Variants in MAP1A observed in about 807,000 individuals in gnomAD.
MAP1A encodes the protein microtubule-associated protein 1A.
A neutral mutation model predicts 185.9 loss-of-function variants in MAP1A; 42 were observed. The observed-to-expected ratio is 0.23, with a 90% CI of 0.18 to 0.29. The LOEUF is 0.29. MAP1A is among the 10% of genes least tolerant of loss of function. MAP1A has a pLI of 1.00. For missense variants in MAP1A, 2,995 were observed against 3,450.4 expected (o/e 0.87, Z 3.31); for synonymous variants, 1,229 against 1,335.9 (o/e 0.92, Z 1.74).
In MAP1A at chr15:43,527,389, G is replaced by A. The variant is rs536452548; in HGVS notation, c.5916G>A (p.Glu1972=). The change falls in exon 4 of 6, where the codon GAG becomes GAA. Residue 1972 remains glutamate (E), a synonymous_variant. Coordinates refer to ENST00000300231, the MANE Select transcript of MAP1A (RefSeq NM_002373.6). The part of the protein sequence containing the change: ...ERSFQYADIY[E]QMMLTGLGPA... ...GCTTTCAGTATGCAGACATCTATGA[G>A]CAGATGATGCTTACTGGGCTTGGCC... 38 of 1,614,216 alleles carry A rather than the reference G, an allele frequency of 2.4e-5. No individual in the cohort carries two copies. The South Asian group carries it at 3.8e-4, about 16-fold the overall frequency.
chr15:43,523,671 C>A lies in MAP1A; in HGVS notation c.2198C>A (p.Ser733Tyr). 1 of 1,614,040 alleles carries A rather than the reference C, an allele frequency of 6.2e-7. No individual in the cohort carries two copies. The highest frequency in any genetic ancestry group is 1.1e-5 in the South Asian group (1 of 91,046). ...TTPAGATEHV[S>Y]YIQDETIPGY... ...CCTGCAGGAGCCACTGAGCATGTCT[C>A]TTACATCCAGGATGAGACAATCCCT... The change falls in exon 4 of 6, where the codon TCT (serine) becomes TAT (tyrosine). Residue 733 changes from serine (S) to tyrosine (Y), a missense_variant. Transcript: ENST00000300231.
chr15:43,511,176 A>G, exon 1 of MAP1A: 1 of 1,550,552 alleles, frequency 6.4e-7, no homozygotes, highest in Non-Finnish European at 8.7e-7. Context: ...GTGATCGGCG[A>G]TATCGGTACA....
Position 43,523,921 on chromosome 15 carries a change from G to A in MAP1A, c.2448G>A (p.Val816=). The change falls in exon 4 of 6, where the codon GTG becomes GTA. Residue 816 remains valine (V), a synonymous_variant. Transcript: ENST00000300231. ...ETELTYPTNI[V]AAPLAEEEHV... Reference sequence around the variant, plus strand: ...AACTCACCTACCCCACTAACATAGTGGCTGCCCCTTTGGCTGAAGAGGAAC... The same window carrying A: ...AACTCACCTACCCCACTAACATAGTAGCTGCCCCTTTGGCTGAAGAGGAAC... 1 of 1,614,162 alleles carries A rather than the reference G, an allele frequency of 6.2e-7. No individual in the cohort carries two copies. Among genetic ancestry groups the A allele is most frequent in the Non-Finnish European group, 8.5e-7 (1 of 1,180,026 alleles).
Position 43,524,986 on chromosome 15 carries a change from G to A in MAP1A, c.3513G>A (p.Lys1171=), listed in dbSNP as rs763077601. ...PDTANQEPTP[K]SPCGLTEQYL... is the part of the protein sequence containing the mutation. Reference sequence around the variant, plus strand: ...CTGCCAACCAAGAGCCTACCCCCAAGTCTCCCTGTGGCCTGACAGAACAGT... The same window carrying A: ...CTGCCAACCAAGAGCCTACCCCCAAATCTCCCTGTGGCCTGACAGAACAGT... Residue 1171 remains lysine (K), a synonymous_variant, in exon 4 of 6, where the codon AAG becomes AAA. Coordinates refer to ENST00000300231, the MANE Select transcript of MAP1A (RefSeq NM_002373.6). 3 of 1,614,052 alleles carry A rather than the reference G, an allele frequency of 1.9e-6. No individual in the cohort carries two copies. The highest frequency in any genetic ancestry group is 1.1e-5 in the South Asian group (1 of 91,078).
Position 43,528,369 on chromosome 15 carries a change from G to A in MAP1A, c.6896G>A (p.Ser2299Asn). 6.2e-7 allele frequency: 1 copy of A among 1,614,000 alleles called. No homozygotes were observed. Among genetic ancestry groups the A allele is most frequent in the South Asian group, 1.1e-5 (1 of 91,084 alleles). Reference protein sequence around the residue: ...LDPGMEPAAHSLWDLTPLSPA... With the variant: ...LDPGMEPAAHNLWDLTPLSPA... ...CCAGGAATGGAACCAGCTGCCCACA[G>A]CCTCTGGGACCTCACTCCTCTGAGC... is the stretch of plus-strand genomic sequence containing the variant. The change falls in exon 4 of 6, where the codon AGC becomes AAC. Residue 2299 changes from serine to asparagine, a missense_variant. Physicochemically the swap from Ser to Asn is conservative, Grantham distance 46 (BLOSUM62 1). This residue lies in a region of MAP1A where 2,728 missense variants were observed against 2,986.0 expected (regional missense o/e 0.91). Coordinates refer to ENST00000300231, the MANE Select transcript of MAP1A (RefSeq NM_002373.6).
At position 43,528,774 on chromosome 15, in the gene MAP1A, C is replaced by T. The variant is rs776121341; in HGVS notation, c.7301C>T (p.Pro2434Leu). 7 of 1,613,428 alleles carry T rather than the reference C, an allele frequency of 4.3e-6. No individual in the cohort carries two copies. In the Admixed American group the frequency reaches 1.2e-4, roughly 27 times the overall value. ...GCCTCTCCTGAGGTCGAAGCTGGGC[C>T]CCAGGGATGTGCCACTGAGCCTCGG... ...SSASPEVEAG[P>L]QGCATEPRPH... is the part of the protein sequence containing the mutation. The change falls in exon 4 of 6, where the codon CCC becomes CTC. Residue 2434 changes from proline (P) to leucine (L), a missense_variant. Pro to Leu is a moderately conservative substitution (Grantham distance 98). Transcript: ENST00000300231.
At position 43,527,451 on chromosome 15, in the gene MAP1A, C is replaced by T. The variant is rs773584125; in HGVS notation, c.5978C>T (p.Ala1993Val). 6.2e-7 allele frequency: 1 copy of T among 1,614,068 alleles called. No homozygotes were observed. Among genetic ancestry groups the T allele is most frequent in the Non-Finnish European group, 8.5e-7 (1 of 1,180,016 alleles). Residue 1993 changes from alanine (A) to valine (V), a missense_variant, in exon 4 of 6, where the codon GCT becomes GTT. Physicochemically the swap from Ala to Val is moderately conservative, Grantham distance 64 (BLOSUM62 0). This residue lies in a region of MAP1A where 2,728 missense variants were observed against 2,986.0 expected (regional missense o/e 0.91). Coordinates refer to ENST00000300231, the MANE Select transcript of MAP1A (RefSeq NM_002373.6). The stretch of plus-strand genomic sequence containing the variant: ...ACTAGAGAGCCTCCACTTGGAGCAG[C>T]TGGGGATTGGCCCCCATGCCTCTCA... ...CPTREPPLGAAGDWPPCLSTK... is the reference protein window; with the variant it reads ...CPTREPPLGAVGDWPPCLSTK...
upstream of MAP1A, among the ~76,000 whole-genome samples, chr15:43,516,711 A>G (rs2079298800): frequency 6.6e-6 from 1 of 152,238 alleles, no homozygotes; most frequent in South Asian, 2.1e-4. Context: ...ACAAGGAGAG[A>G]GCAAGAACCC....
Position 43,522,173 on chromosome 15 carries a change from G to C in MAP1A, c.700G>C (p.Gly234Arg). 6.2e-7 allele frequency: 1 copy of C among 1,614,228 alleles called. No homozygotes were observed. The highest frequency in any genetic ancestry group is 8.5e-7 in the Non-Finnish European group (1 of 1,180,044). The change falls in exon 4 of 6, where the codon GGG (glycine) becomes CGG (arginine). Residue 234 changes from glycine to arginine, a missense_variant. By Grantham distance (125) the Gly-to-Arg change is moderately radical. This residue lies in a region of MAP1A where 264 missense variants were observed against 435.3 expected (regional missense o/e 0.61). Transcript: ENST00000300231. This position sits in a 1 kb window ranked among gnomAD's most constrained non-coding sequence, Gnocchi z 5.9. ...KAKTGIVLPN[G>R]KEAEISVPYL... ...CAAGACAGGCATCGTGCTGCCCAAT[G>C]GGAAGGAGGCTGAGATCTCCGTGCC... is the stretch of plus-strand genomic sequence containing the variant.
intron 2 of MAP1A, 62 bp downstream of exon 2, chr15:43,520,785 C>T: frequency 1.4e-6 from 2 of 1,396,194 alleles, no homozygotes; most frequent in Non-Finnish European, 2.0e-6. Flanking sequence ...CCACCCTTGC[C>T]AGTGCTACCA....
rs145493066 is a variant in MAP1A, at chr15:43,521,374, C to T, written c.-100C>T. On this transcript the variant is annotated 5_prime_UTR_variant, in exon 4 of 6. Transcript: ENST00000300231. The surrounding 1 kb of genome is among the most constrained non-coding windows in gnomAD (Gnocchi z 4.6). Reference sequence around the variant, plus strand: ...ACCCTGGGATACAGGCCTTCCTTACCGTGTCCTGCTTAGGGGAAGGTGATT... The same window carrying T: ...ACCCTGGGATACAGGCCTTCCTTACTGTGTCCTGCTTAGGGGAAGGTGATT... The T allele has an allele frequency of 1.2e-4, 194 of 1,613,632 alleles. 1 individual carries two copies. In the African/African-American group the frequency reaches 2.3e-3, roughly 19 times the overall value.
At chr15:43,512,283 A>C (rs1290753848) in exon 2 of MAP1A, 7 of 1,537,422 alleles carry the variant, frequency 4.6e-6, no homozygotes, top group Non-Finnish European at 5.3e-6. Flanking sequence ...TTCTCCTCAG[A>C]GGTCAAAGGT....
In MAP1A at chr15:43,520,708, C is replaced by G; in HGVS notation, c.-307C>G. On this transcript the variant is annotated 5_prime_UTR_variant, in exon 2 of 6. Coordinates refer to ENST00000300231, the MANE Select transcript of MAP1A (RefSeq NM_002373.6). ...TCATCCTGGTAAATCCCAGTGCAGA[C>G]AGCATCAGCTCTGAGGTAAGGCCAG... is the stretch of plus-strand genomic sequence containing the variant. The G allele has an allele frequency of 6.5e-7, 1 of 1,549,872 alleles. No individual in the cohort carries two copies. The highest frequency in any genetic ancestry group is 8.7e-7 in the Non-Finnish European group (1 of 1,146,156).
chr15:43,512,466 G>T (rs937748163), intron 2 of MAP1A, among the ~76,000 whole-genome samples: 3 of 152,174 alleles, frequency 2.0e-5, no homozygotes, highest in African/African-American at 7.2e-5. Context: ...ATACTTTGCA[G>T]ACATGGTTTG....
chr15:43,526,508 G>A lies in MAP1A; in HGVS notation c.5035G>A (p.Asp1679Asn). ...ATGGGAGGACACATCTCCTGAGCAG[G>A]ACAATAGGTATTGGAGGGGCAGAGA... The part of the protein sequence containing the change: ...PAWEDTSPEQ[D>N]NRYWRGREDV... Residue 1679 changes from aspartate (D) to asparagine (N), a missense_variant, in exon 4 of 6, where the codon GAC (aspartate) becomes AAC (asparagine). Around this residue, in one of 3 missense-constraint regions of MAP1A, gnomAD observed 2,728 missense variants for 2,986.0 expected, o/e 0.91. Transcript: ENST00000300231. This position sits in a 1 kb window ranked among gnomAD's most constrained non-coding sequence, Gnocchi z 4.7. 1 of 1,614,136 alleles carries A rather than the reference G, an allele frequency of 6.2e-7. No homozygotes were observed. The highest frequency in any genetic ancestry group is 2.2e-5 in the East Asian group (1 of 44,876).
Position 43,526,234 on chromosome 15 carries a change from G to C in MAP1A, c.4761G>C (p.Glu1587Asp). ...AGGAGCAGGAGAGCCTAGTGCAGGA[G>C]GATAAAACCAGGAAACCAAAGATGC... Reference protein sequence around the residue: ...QTQEQESLVQEDKTRKPKMLE... With the variant: ...QTQEQESLVQDDKTRKPKMLE... The change falls in exon 4 of 6, where the codon GAG (glutamate) becomes GAC (aspartate). Residue 1587 changes from glutamate to aspartate, a missense_variant. By Grantham distance (45) the Glu-to-Asp change is conservative. This residue lies in a region of MAP1A where 2,728 missense variants were observed against 2,986.0 expected (regional missense o/e 0.91). Transcript: ENST00000300231. The surrounding 1 kb of genome is among the most constrained non-coding windows in gnomAD (Gnocchi z 4.7). 2.5e-6 allele frequency: 4 copies of C among 1,614,126 alleles called. No homozygotes were observed. The highest frequency in any genetic ancestry group is 3.4e-6 in the Non-Finnish European group (4 of 1,180,024).
chr15:43,530,445 AG>A lies in MAP1A; in HGVS notation c.*225del, dbSNP rs1217704887. 10 of 579,370 alleles carry A rather than the reference AG, an allele frequency of 1.7e-5. No homozygotes were observed. The highest frequency in any genetic ancestry group is 3.1e-5 in the Non-Finnish European group (10 of 327,388). The allele number at this position is 579,370 out of a possible 1,614,324, so 35.9% of individuals were successfully genotyped here. On this transcript the variant is annotated 3_prime_UTR_variant, in exon 6 of 6. Coordinates refer to ENST00000300231, the MANE Select transcript of MAP1A (RefSeq NM_002373.6). Reference sequence around the variant, plus strand: ...AAAGTTAACAGGGAGAGGATGGGGGAGGGGACAAATTAGAATAGGATAGCAT... The same window carrying A: ...AAAGTTAACAGGGAGAGGATGGGGGAGGGACAAATTAGAATAGGATAGCAT...
At position 43,523,940 on chromosome 15, in the gene MAP1A, G is replaced by GAGGAAAA; in HGVS notation, c.2472_2473insAAAGGAA (p.His825LysfsTer12). ...CATAGTGGCTGCCCCTTTGGCTGAA[G>GAGGAAAA]AGGAACATGTGTCCTCGGCCACTTC... On this transcript the variant is annotated frameshift_variant, in exon 4 of 6. Coordinates refer to ENST00000300231, the MANE Select transcript of MAP1A (RefSeq NM_002373.6). LOFTEE classifies it high-confidence loss of function. The GAGGAAAA allele has an allele frequency of 1.2e-6, 2 of 1,614,172 alleles. No individual in the cohort carries two copies. The highest frequency in any genetic ancestry group is 1.7e-6 in the Non-Finnish European group (2 of 1,180,044).
In MAP1A at chr15:43,528,381, T is replaced by C; in HGVS notation, c.6908T>C (p.Leu2303Pro). ...CCAGCTGCCCACAGCCTCTGGGACC[T>C]CACTCCTCTGAGCCCAGCACCCCCA... ...MEPAAHSLWD[L>P]TPLSPAPPAS... The change falls in exon 4 of 6, where the codon CTC (leucine) becomes CCC (proline). Residue 2303 changes from leucine (L) to proline (P), a missense_variant. By Grantham distance (98) the Leu-to-Pro change is moderately conservative (BLOSUM62 -3). This residue lies in a region of MAP1A where 2,728 missense variants were observed against 2,986.0 expected (regional missense o/e 0.91). Coordinates refer to ENST00000300231, the MANE Select transcript of MAP1A (RefSeq NM_002373.6). 1.2e-6 allele frequency: 2 copies of C among 1,613,890 alleles called. No individual in the cohort carries two copies. The highest frequency in any genetic ancestry group is 1.1e-5 in the South Asian group (1 of 91,080).
Sources: allele counts gnomAD v4.1 joint callset (sites outside exome capture counted in the v4.1 genomes callset), GRCh38; gene constraint gnomAD v4.1.1; regional missense constraint gnomAD v4.1.1; non-coding constraint Gnocchi (gnomAD v3.1); transcripts MANE v1.5; gene names NCBI Gene and HGNC (gene_info 2026-07-23, HGNC 2026-07-21).